The following GRID2 variants were observed in gnomAD, a reference collection of about 807,000 sequenced individuals.
The protein encoded by GRID2 is glutamate ionotropic receptor delta type subunit 2, also known as glutamate receptor ionotropic, delta-2.
A neutral mutation model predicts 114.8 loss-of-function variants in GRID2; 33 were observed. That is an observed-to-expected ratio of 0.29 (90% CI 0.22 to 0.38). The LOEUF (loss-of-function observed/expected upper bound fraction) is 0.38. GRID2 is among the 10% of genes least tolerant of loss of function. The pLI is 1.00. For synonymous variants in GRID2, 505 were observed against 449.9 expected, an observed-to-expected ratio of 1.12 and a Z score of -1.55; for missense variants, 1,184 against 1,257.7, an observed-to-expected ratio of 0.94 and a Z score of 0.89.
chr4:93,702,149 T>G (rs1727567653), intron 14 of GRID2, among the ~76,000 whole-genome samples: 1 of 152,132 alleles, frequency 6.6e-6, no homozygotes, highest in African/African-American at 2.4e-5. Context: ...TTTCAAAAAG[T>G]TTTAACCCTA....
intron 2 of GRID2, among the ~76,000 whole-genome samples, chr4:92,742,707 T>C (rs1331713662): frequency 6.6e-6 from 1 of 152,168 alleles, no homozygotes; most frequent in Non-Finnish European, 1.5e-5. Flanking sequence ...ATCTTTGTTT[T>C]TGGATATAAC....
chr4:92,796,085 T>C (rs1229229479), intron 2 of GRID2, among the ~76,000 whole-genome samples: 1 of 151,932 alleles, frequency 6.6e-6, no homozygotes, highest in Non-Finnish European at 1.5e-5. Context: ...TCCTTAATAC[T>C]GTAATCATTC....
Position 92,769,444 on chromosome 4 carries a change from C to A in GRID2, c.244+179158C>A, listed in dbSNP as rs553134459. On this transcript the variant is annotated intron_variant, in intron 2 of 15. Transcript: ENST00000282020. ...CATTTTGGGGTCTGGAGTATGGTAGCCCTCTTCTTCCAGCTGCACTAGGTG... is the reference window on the plus strand; with the variant it reads ...CATTTTGGGGTCTGGAGTATGGTAGACCTCTTCTTCCAGCTGCACTAGGTG... Among the ~76,000 whole-genome samples the A allele has an allele frequency of 1.5e-3, 225 of 152,202 alleles. 1 individual carries two copies. Among genetic ancestry groups the A allele is most frequent in the African/African-American group, 5.1e-3 (211 of 41,518 alleles).
intron 2 of GRID2, among the ~76,000 whole-genome samples, chr4:92,634,053 G>A (rs1242538691): frequency 1.3e-5 from 2 of 150,978 alleles, no homozygotes; most frequent in Non-Finnish European, 2.9e-5. Flanking sequence ...GGGCCACATT[G>A]GAAGAAGAAT....
At chr4:92,573,702 T>G (rs1727738197) in intron 1 of GRID2, among the ~76,000 whole-genome samples, 1 of 152,208 alleles carries the variant, frequency 6.6e-6, no homozygotes. Context: ...TCAATTATCT[T>G]GCATTTGCTG....
intron 8 of GRID2, among the ~76,000 whole-genome samples, chr4:93,391,605 G>A (rs921290620): frequency 9.9e-5 from 15 of 152,120 alleles, no homozygotes; most frequent in Non-Finnish European, 2.9e-5. Context: ...TGTTATTAAA[G>A]CCTACAAACT....
intron 2 of GRID2, among the ~76,000 whole-genome samples, chr4:92,998,568 TC>T (rs1347588453): frequency 6.6e-6 from 1 of 152,006 alleles, no homozygotes; most frequent in Non-Finnish European, 1.5e-5. Context: ...AAATTGATTT[TC>T]TTTGGCATGT....
intron 2 of GRID2, among the ~76,000 whole-genome samples, chr4:92,687,471 T>C (rs1046606531): frequency 1.3e-5 from 2 of 152,188 alleles, no homozygotes; most frequent in African/African-American, 2.4e-5. Flanking sequence ...GTTTATGTGA[T>C]ACTGTAGTCT....
chr4:92,695,588 A>T (rs1734391066), intron 2 of GRID2, among the ~76,000 whole-genome samples: 1 of 152,178 alleles, frequency 6.6e-6, no homozygotes, highest in Non-Finnish European at 1.5e-5. Context: ...TGTGAAAAAA[A>T]AATAAAAGAT....
intron 2 of GRID2, among the ~76,000 whole-genome samples, chr4:92,662,839 A>T (rs1442186998): frequency 6.6e-6 from 1 of 151,098 alleles, no homozygotes; most frequent in Non-Finnish European, 1.5e-5. Flanking sequence ...CAGGTTTCTG[A>T]TTATAAAAGA....
intron 4 of GRID2, among the ~76,000 whole-genome samples, chr4:93,117,165 A>T (rs1182920080): frequency 2.6e-5 from 4 of 152,140 alleles, no homozygotes; most frequent in Admixed American, 6.6e-5. Flanking sequence ...TAATTTGATC[A>T]TTTAGATTGA....
chr4:93,040,287 A>C (rs1189702928), intron 2 of GRID2, among the ~76,000 whole-genome samples: 7 of 138,316 alleles, frequency 5.1e-5, no homozygotes, highest in Admixed American at 1.4e-4. Context: ...CAGAATCACA[A>C]AAAAAAAAAA....
At chr4:92,988,812 C>T (rs1754665551) in intron 2 of GRID2, among the ~76,000 whole-genome samples, 1 of 152,038 alleles carries the variant, frequency 6.6e-6, no homozygotes. Flanking sequence ...CAAAGGAAAA[C>T]ATGTGGTGTG....
At chr4:93,345,096 A>C (rs755126966) in intron 8 of GRID2, among the ~76,000 whole-genome samples, 1 of 151,776 alleles carries the variant, frequency 6.6e-6, no homozygotes, top group African/African-American at 2.4e-5. Context: ...TGGCTATTGT[A>C]AATAATGCTG....
intron 14 of GRID2, among the ~76,000 whole-genome samples, chr4:93,667,084 C>A (rs908380661): frequency 6.6e-5 from 10 of 151,918 alleles, no homozygotes; most frequent in African/African-American, 2.4e-4. Context: ...GATAAAAAGA[C>A]AAATAAATTG....
intron 8 of GRID2, among the ~76,000 whole-genome samples, chr4:93,256,428 G>A (rs9784581): frequency 0.044 from 929 of 21,286 alleles, 16 homozygotes; most frequent in African/African-American, 0.19. Context: ...TTAATTTTTG[G>A]TTTTTTTTTT....
At chr4:93,318,087 A>G (rs1487693017) in intron 8 of GRID2, among the ~76,000 whole-genome samples, 1 of 147,452 alleles carries the variant, frequency 6.8e-6, no homozygotes, top group Non-Finnish European at 1.5e-5. Flanking sequence ...TCAAGTTAAT[A>G]GAAACAATAT....
At chr4:93,309,092 A>C (rs1402576036) in intron 8 of GRID2, among the ~76,000 whole-genome samples, 1 of 152,148 alleles carries the variant, frequency 6.6e-6, no homozygotes, top group African/African-American at 2.4e-5. Flanking sequence ...TATATAATAC[A>C]TTATATATTT....
intron 1 of GRID2, among the ~76,000 whole-genome samples, chr4:92,556,736 T>C (rs1382197918): frequency 2.0e-5 from 3 of 152,158 alleles, no homozygotes; most frequent in Non-Finnish European, 4.4e-5. Flanking sequence ...TGGAGACCAC[T>C]TGTTTGCCTT....
Sources: allele counts gnomAD v4.1 joint callset (sites outside exome capture counted in the v4.1 genomes callset), GRCh38; gene constraint gnomAD v4.1.1; transcripts MANE v1.5; gene names NCBI Gene and HGNC (gene_info 2026-07-23, HGNC 2026-07-21).